The following KPNA6 variants were observed in gnomAD, a reference collection of about 807,000 sequenced individuals.
The protein encoded by KPNA6 is importin subunit alpha-7.
Under a neutral mutation model 72.0 loss-of-function variants are expected in KPNA6, and 9 were observed. That is an observed-to-expected ratio of 0.13 (90% confidence interval 0.08 to 0.22). KPNA6 has a LOEUF of 0.22. Ranked by LOEUF, KPNA6 falls within the 10% of genes least tolerant of loss-of-function variation. KPNA6 has a pLI of 1.00. For synonymous variants in KPNA6, 219 were observed against 242.1 expected, an observed-to-expected ratio of 0.90 and a Z score of 0.89; for missense variants, 374 against 655.7, an observed-to-expected ratio of 0.57 and a Z score of 4.69.
intron 1 of KPNA6, among the ~76,000 whole-genome samples, chr1:32,134,043 G>C (rs973448935): frequency 1.3e-5 from 2 of 151,990 alleles, no homozygotes; most frequent in Non-Finnish European, 2.9e-5. Flanking sequence ...AGTAGTTCGA[G>C]ACCAGCCTGG....
chr1:32,175,427 G>A lies in KPNA6; in HGVS notation c.*4533G>A, dbSNP rs1046973765. ...ACGCCATGGCCTGGGGGGCATTGAA[G>A]GAAGTAAGCTCTCAGAGATCCTAAC... On this transcript the variant is annotated 3_prime_UTR_variant, in exon 14 of 14. Transcript: ENST00000373625. The A allele has an allele frequency of 6.6e-6, 1 of 152,274 alleles. No individual in the cohort carries two copies. The highest frequency in any genetic ancestry group is 1.5e-5 in the Non-Finnish European group (1 of 68,110). The allele number at this position is 152,274 out of a possible 1,614,324, so 9.4% of individuals were successfully genotyped here.
At chr1:32,149,519 C>T (rs1388210382) in intron 1 of KPNA6, among the ~76,000 whole-genome samples, 2 of 152,202 alleles carry the variant, frequency 1.3e-5, no homozygotes, top group African/African-American at 2.4e-5. Flanking sequence ...AGCTACCACA[C>T]GCAGCTAGGA....
At chr1:32,129,862 C>T (rs558062871) in intron 1 of KPNA6, among the ~76,000 whole-genome samples, 123 of 152,244 alleles carry the variant, frequency 8.1e-4, no homozygotes, top group Non-Finnish European at 1.5e-3. Context: ...GCAGCATTGA[C>T]ACTCCTGGGA....
At chr1:32,130,342 A>G (rs146813834) in intron 1 of KPNA6, among the ~76,000 whole-genome samples, 1 of 151,856 alleles carries the variant, frequency 6.6e-6, no homozygotes, top group Non-Finnish European at 1.5e-5. Flanking sequence ...TTCTTGGCAA[A>G]GCATTGTGAT....
At chr1:32,159,595 CTT>C in intron 6 of KPNA6, 64 bp downstream of exon 6, 1 of 1,554,008 alleles carries the variant, frequency 6.4e-7, no homozygotes, top group Non-Finnish European at 8.8e-7. Flanking sequence ...TATATTTGGT[CTT>C]TGTCCTGGTT....
rs748443301 is a variant in KPNA6 at position 32,176,422 on chromosome 1, C to T, written c.*5528C>T. The T allele has an allele frequency of 6.6e-6, 1 of 152,260 alleles. No individual in the cohort carries two copies. Among genetic ancestry groups the T allele is most frequent in the African/African-American group, 2.4e-5 (1 of 41,398 alleles). The allele number at this position is 152,260 out of a possible 1,614,324, so 9.4% of individuals were successfully genotyped here. A position where few individuals can be genotyped will look rare whatever the true frequency, so the allele number is the denominator to read the frequency against. On this transcript the variant is annotated 3_prime_UTR_variant, in exon 14 of 14. Coordinates refer to ENST00000373625, the MANE Select transcript of KPNA6 (RefSeq NM_012316.5). Reference sequence around the variant, plus strand: ...AGCTTGATTTCAGAGCAGACATAGGCGAAGAAAACATGGCATTGAGTGTGC... The same window carrying T: ...AGCTTGATTTCAGAGCAGACATAGGTGAAGAAAACATGGCATTGAGTGTGC...
intron 1 of KPNA6, among the ~76,000 whole-genome samples, chr1:32,149,765 C>T (rs908055949): frequency 6.6e-6 from 1 of 152,102 alleles, no homozygotes; most frequent in Non-Finnish European, 1.5e-5. Context: ...AAAAGTCTCT[C>T]AGCTTTTATC....
chr1:32,167,626 C>G (rs960045302), intron 12 of KPNA6, among the ~76,000 whole-genome samples: 2 of 152,088 alleles, frequency 1.3e-5, no homozygotes, highest in African/African-American at 4.8e-5. Context: ...GTTCTCAATT[C>G]AAATGAAGGG....
chr1:32,108,957 A>G (rs945421956), intron 1 of KPNA6, among the ~76,000 whole-genome samples: 1 of 152,198 alleles, frequency 6.6e-6, no homozygotes, highest in Non-Finnish European at 1.5e-5. Flanking sequence ...AAGCAGTAAA[A>G]ATTGTGAAAT....
chr1:32,131,973 A>T lies in KPNA6; in HGVS notation c.5-22615A>T, dbSNP rs371492452. Among the ~76,000 whole-genome samples the T allele has an allele frequency of 2.4e-3, 355 of 150,958 alleles. 1 individual carries two copies. Among genetic ancestry groups the T allele is most frequent in the Non-Finnish European group, 3.7e-3 (249 of 67,778 alleles). Reference sequence around the variant, plus strand: ...ATTTTTTATATTTATTTATTTATTTATTTTTTATTTTTTTTGAGACGGAGT... The same window carrying T: ...ATTTTTTATATTTATTTATTTATTTTTTTTTTATTTTTTTTGAGACGGAGT... On this transcript the variant is annotated intron_variant, in intron 1 of 13. Transcript: ENST00000373625.
intron 13 of KPNA6, 56 bp from the exon 14 acceptor site, chr1:32,170,651 C>T: frequency 6.9e-7 from 1 of 1,454,700 alleles, no homozygotes; most frequent in South Asian, 1.2e-5. Context: ...GTAAATGTTT[C>T]ACCTGCCCAT....
rs142582660 is a variant in KPNA6, at chr1:32,124,978, G to A, written c.4+16844G>A. On this transcript the variant is annotated intron_variant, in intron 1 of 13. Coordinates refer to ENST00000373625, the MANE Select transcript of KPNA6 (RefSeq NM_012316.5). The stretch of plus-strand genomic sequence containing the variant: ...TCCTGCCTCAGCCTCCTGAGTAGCC[G>A]GGACTACCGGCGCATGCCACCACGC... Among the ~76,000 whole-genome samples, 489 of 152,000 alleles carry A rather than the reference G, an allele frequency of 3.2e-3. 3 individuals carry two copies. Among genetic ancestry groups the A allele is most frequent in the African/African-American group, 0.011 (463 of 41,454 alleles).
At chr1:32,119,029 TA>T (rs1329447418) in intron 1 of KPNA6, among the ~76,000 whole-genome samples, 2,152 of 68,050 alleles carry the variant, frequency 0.032, 31 homozygotes, top group Non-Finnish European at 0.04. Context: ...TATATATATA[TA>T]TATTTTTTTT....
intron 1 of KPNA6, among the ~76,000 whole-genome samples, chr1:32,116,304 G>A (rs1001488035): frequency 6.7e-5 from 10 of 150,204 alleles, no homozygotes; most frequent in Non-Finnish European, 1.5e-4. Flanking sequence ...AGTAGCGCCC[G>A]GCCGGTTGTT....
chr1:32,119,245 G>A (rs972480243), intron 1 of KPNA6, among the ~76,000 whole-genome samples: 2 of 151,376 alleles, frequency 1.3e-5, no homozygotes, highest in Non-Finnish European at 2.9e-5. Context: ...TGACCAGGCT[G>A]GTCTCAAACT....
chr1:32,118,439 A>T (rs543209576), intron 1 of KPNA6, among the ~76,000 whole-genome samples: 2 of 149,254 alleles, frequency 1.3e-5, no homozygotes, highest in African/African-American at 4.9e-5. Context: ...CAGTTGTTTT[A>T]TTCCATGTTA....
At chr1:32,138,948 G>T (rs188120477) in intron 1 of KPNA6, among the ~76,000 whole-genome samples, 1 of 152,058 alleles carries the variant, frequency 6.6e-6, no homozygotes, top group Non-Finnish European at 1.5e-5. Flanking sequence ...GGAGGAAATC[G>T]TGGTTTCTGG....
chr1:32,124,032 CAAAAAAAAA>C (rs771086945), intron 1 of KPNA6, among the ~76,000 whole-genome samples: 2 of 43,126 alleles, frequency 4.6e-5, no homozygotes, highest in South Asian at 1.6e-3. Flanking sequence ...GACTCTGTCT[CAAAAAAAAA>C]AAAAAAAAAA....
rs1011781467 is a variant in KPNA6 at position 32,154,817 on chromosome 1, T to C, written c.138+96T>C. ...CACCCTGACTTGCCCTGTAGAAAAG[T>C]AGCTTACTAGGTGGGCATGGTGGCT... is the stretch of plus-strand genomic sequence containing the variant. On this transcript the variant is annotated intron_variant, in intron 2 of 13. Coordinates refer to ENST00000373625, the MANE Select transcript of KPNA6 (RefSeq NM_012316.5). The C allele has an allele frequency of 3.7e-6, 5 of 1,337,754 alleles. No homozygotes were observed. In the Admixed American group the frequency reaches 7.9e-5, roughly 21 times the overall value. The allele number at this position is 1,337,754 out of a possible 1,614,324, so 82.9% of individuals were successfully genotyped here. A position where few individuals can be genotyped will look rare whatever the true frequency, so the allele number is the denominator to read the frequency against.
Sources: allele counts gnomAD v4.1 joint callset (sites outside exome capture counted in the v4.1 genomes callset), GRCh38; gene constraint gnomAD v4.1.1; transcripts MANE v1.5; gene names NCBI Gene and HGNC (gene_info 2026-07-23, HGNC 2026-07-21).